The following ZNF804B variants were observed in gnomAD, a reference collection of about 807,000 sequenced individuals.
ZNF804B encodes zinc finger protein 804B, also known as zinc finger 804B.
Under a neutral mutation model 101.4 loss-of-function variants are expected in ZNF804B, and 80 were observed. That is an observed-to-expected ratio of 0.79 (90% CI 0.66 to 0.95). The LOEUF is 0.95. Ranked by LOEUF, ZNF804B falls within the 40% of genes least tolerant of loss-of-function variation. ZNF804B has a pLI of 0.00. For missense variants in ZNF804B, 1,673 were observed against 1,561.9 expected (o/e 1.07, Z -1.20); for synonymous variants, 622 against 558.8 (o/e 1.11, Z -1.59).
At chr7:89,244,372 A>T (rs995485032) in intron 2 of ZNF804B, among the ~76,000 whole-genome samples, 36 of 152,154 alleles carry the variant, frequency 2.4e-4, no homozygotes, top group Non-Finnish European at 4.6e-4. Context: ...CAAACATTGT[A>T]TACTTTAATA....
intron 1 of ZNF804B, among the ~76,000 whole-genome samples, chr7:88,977,204 G>T (rs1463815774): frequency 4.0e-5 from 6 of 148,190 alleles, no homozygotes; most frequent in African/African-American, 1.5e-4. Context: ...TTTTTTTTTT[G>T]ATGAGTCTCT....
intron 1 of ZNF804B, among the ~76,000 whole-genome samples, chr7:88,857,832 T>C (rs1483009320): frequency 1.0e-4 from 13 of 127,360 alleles, no homozygotes; most frequent in African/African-American, 2.8e-4. Context: ...CTTTTTTTTT[T>C]TTTTTTTTTT....
intron 1 of ZNF804B, among the ~76,000 whole-genome samples, chr7:89,017,459 T>A (rs369036063): frequency 3.3e-5 from 5 of 152,228 alleles, no homozygotes; most frequent in African/African-American, 1.2e-4. Flanking sequence ...TTCAGTATGA[T>A]ATTGGCTATG....
chr7:89,336,775 G>C lies in ZNF804B; in HGVS notation c.3793G>C (p.Gly1265Arg), dbSNP rs750288957. The change falls in exon 4 of 4, where the codon GGT becomes CGT. Residue 1265 changes from glycine to arginine, a missense_variant. Gly to Arg is a moderately radical substitution (Grantham distance 125). Transcript: ENST00000333190. ...CCCTGCACACCCCACTTTCTTAGCA[G>C]GTCATCCCCTGCATTTAGTAGCTGC... Reference protein sequence around the residue: ...IIPAHPTFLAGHPLHLVAATP... With the variant: ...IIPAHPTFLARHPLHLVAATP... 6.2e-7 allele frequency: 1 copy of C among 1,613,876 alleles called. No homozygotes were observed. The highest frequency in any genetic ancestry group is 8.5e-7 in the Non-Finnish European group (1 of 1,180,006).
intron 2 of ZNF804B, among the ~76,000 whole-genome samples, chr7:89,255,489 G>T (rs1448657472): frequency 6.6e-6 from 1 of 152,182 alleles, no homozygotes; most frequent in Non-Finnish European, 1.5e-5. Flanking sequence ...TTACAGCCCA[G>T]TGGGCGTTGC....
intron 1 of ZNF804B, among the ~76,000 whole-genome samples, chr7:89,070,683 A>G (rs1392306628): frequency 6.6e-6 from 1 of 152,266 alleles, no homozygotes; most frequent in South Asian, 2.1e-4. Flanking sequence ...CCTGGCCTAC[A>G]GTAAGAATTT....
intron 1 of ZNF804B, among the ~76,000 whole-genome samples, chr7:88,980,141 G>A (rs1793676437): frequency 6.6e-6 from 1 of 151,834 alleles, no homozygotes; most frequent in South Asian, 2.1e-4. Context: ...GTGTATACAT[G>A]CTTGATTCTT....
chr7:88,896,923 T>A (rs574660373), intron 1 of ZNF804B, among the ~76,000 whole-genome samples: 10 of 152,330 alleles, frequency 6.6e-5, no homozygotes, highest in African/African-American at 1.4e-4. Context: ...ATGCTCATAG[T>A]GATAATAATA....
At position 89,334,502 on chromosome 7, in the gene ZNF804B, A is replaced by G. The variant is rs1791041614; in HGVS notation, c.1520A>G (p.Glu507Gly). ...LKTELGKKPL[E>G]LKTKRESQVS... ...ACAGAATTGGGTAAGAAGCCCTTGGAATTGAAGACTAAAAGAGAGAGCCAA... is the reference window on the plus strand; with the variant it reads ...ACAGAATTGGGTAAGAAGCCCTTGGGATTGAAGACTAAAAGAGAGAGCCAA... Residue 507 changes from glutamate to glycine, a missense_variant, in exon 4 of 4, where the codon GAA becomes GGA. Physicochemically the swap from Glu to Gly is moderately conservative, Grantham distance 98. Transcript: ENST00000333190. 1 of 1,613,660 alleles carries G rather than the reference A, an allele frequency of 6.2e-7. No individual in the cohort carries two copies. Among genetic ancestry groups the G allele is most frequent in the African/African-American group, 1.3e-5 (1 of 74,896 alleles).
intron 2 of ZNF804B, among the ~76,000 whole-genome samples, chr7:89,317,681 A>G (rs1229792491): frequency 6.6e-6 from 1 of 152,158 alleles, no homozygotes; most frequent in Non-Finnish European, 1.5e-5. Context: ...CATAATTAGA[A>G]AGCTGCTGAA....
rs768312984 is a variant in ZNF804B, at chr7:89,335,702, C to T, written c.2720C>T (p.Pro907Leu). ...SCLLKNCSSGPSETTESNTAE... is the reference protein window; with the variant it reads ...SCLLKNCSSGLSETTESNTAE... ...CTTCTAAAGAACTGTTCCAGTGGCC[C>T]TTCAGAAACCACAGAATCAAACACT... Residue 907 changes from proline (P) to leucine (L), a missense_variant, in exon 4 of 4, where the codon CCT becomes CTT. Coordinates refer to ENST00000333190, the MANE Select transcript of ZNF804B (RefSeq NM_181646.5). 9 of 1,613,862 alleles carry T rather than the reference C, an allele frequency of 5.6e-6. No individual in the cohort carries two copies. The highest frequency in any genetic ancestry group is 6.8e-6 in the Non-Finnish European group (8 of 1,179,960).
intron 2 of ZNF804B, among the ~76,000 whole-genome samples, chr7:89,252,671 G>T (rs1789560665): frequency 6.6e-6 from 1 of 152,164 alleles, no homozygotes; most frequent in South Asian, 2.1e-4. Flanking sequence ...AGACAATGTA[G>T]TACATATACA....
At position 88,782,220 on chromosome 7, in the gene ZNF804B, A is replaced by C. The variant is rs74774120; in HGVS notation, c.108+22136A>C. 5.9e-3 allele frequency among the ~76,000 whole-genome samples: 900 copies of C among 152,000 alleles called. 4 individuals are homozygous for C. Among genetic ancestry groups the C allele is most frequent in the Non-Finnish European group, 7.6e-3 (513 of 67,942 alleles). On this transcript the variant is annotated intron_variant, in intron 1 of 3. Transcript: ENST00000333190. ...AGGGTCACACATCTGTATCTCACTC[A>C]GGGAACTATGGAAAGATACACTCTG...
chr7:88,883,670 A>G (rs191010509), intron 1 of ZNF804B, among the ~76,000 whole-genome samples: 31 of 152,204 alleles, frequency 2.0e-4, no homozygotes, highest in Admixed American at 3.9e-4. Flanking sequence ...ACAGATTATA[A>G]AATTCTACCA....
At chr7:88,866,326 G>T (rs769002589) in intron 1 of ZNF804B, among the ~76,000 whole-genome samples, 1 of 152,108 alleles carries the variant, frequency 6.6e-6, no homozygotes. Context: ...TCCATCAAGA[G>T]GTTGTGTTTA....
intron 1 of ZNF804B, among the ~76,000 whole-genome samples, chr7:88,804,440 A>T (rs1296717130): frequency 6.6e-6 from 1 of 152,036 alleles, no homozygotes; most frequent in Non-Finnish European, 1.5e-5. Context: ...CTATACAGAG[A>T]TTTGGAGACT....
chr7:89,123,930 G>A (rs922301820), intron 1 of ZNF804B, among the ~76,000 whole-genome samples: 7 of 152,144 alleles, frequency 4.6e-5, no homozygotes, highest in Non-Finnish European at 8.8e-5. Context: ...GGCAAGAGAA[G>A]GAGTGTACAG....
chr7:89,277,323 T>A (rs28456976), intron 2 of ZNF804B, among the ~76,000 whole-genome samples: 1 of 150,034 alleles, frequency 6.7e-6, no homozygotes, highest in Non-Finnish European at 1.5e-5. Flanking sequence ...TTTTTCTTTT[T>A]TTTTTCTTTT....
intron 1 of ZNF804B, among the ~76,000 whole-genome samples, chr7:88,822,395 A>T (rs780606346): frequency 1.1e-4 from 16 of 152,144 alleles, no homozygotes; most frequent in Non-Finnish European, 2.2e-4. Flanking sequence ...TATTATTGTC[A>T]TTACTGTTTA....
Sources: gnomAD v4.1 joint callset for allele counts (sites outside exome capture counted in the v4.1 genomes callset) on GRCh38, gnomAD v4.1.1 for gene constraint, MANE v1.5 for transcripts, NCBI Gene and HGNC (gene_info 2026-07-23, HGNC 2026-07-21) for gene names.